Variants in SYVN1 observed in about 807,000 individuals in gnomAD.
SYVN1 encodes E3 ubiquitin-protein ligase synoviolin.
SYVN1 carries 17 observed loss-of-function variants against 62.6 expected under a neutral mutation model. That is an observed-to-expected ratio of 0.27 (90% CI 0.19 to 0.41). SYVN1 has a LOEUF of 0.41. SYVN1 is among the 10% of genes least tolerant of loss of function. SYVN1 has a pLI of 1.00. For missense variants in SYVN1, 634 were observed against 818.0 expected (o/e 0.78, Z 2.74); for synonymous variants, 316 against 304.0 (o/e 1.04, Z -0.41).
Position 65,131,370 on chromosome 11 carries a change from A to C in SYVN1, c.662T>G (p.Phe221Cys). 1.2e-6 allele frequency: 2 copies of C among 1,614,016 alleles called. No individual in the cohort carries two copies. Among genetic ancestry groups the C allele is most frequent in the Non-Finnish European group, 1.7e-6 (2 of 1,179,962 alleles). ...YMLYTELFTG[F>C]IKVLLYMAFM... ...GGCCATGTACAGCAGAACCTTGATG[A>C]AGCCTGAGGGGAGGGGATGCAGAAA... Residue 221 changes from phenylalanine (F) to cysteine (C), a missense_variant, in exon 8 of 16, where the codon TTC becomes TGC. Transcript: ENST00000377190.
At position 65,128,706 on chromosome 11, in the gene SYVN1, C is replaced by T. The variant is rs770266350; in HGVS notation, c.1604G>A (p.Arg535Gln). 7.3e-5 allele frequency: 117 copies of T among 1,607,784 alleles called. 2 individuals are homozygous for T. The South Asian group carries it at 9.0e-4, about 12-fold the overall frequency. Residue 535 changes from arginine (R) to glutamine (Q), a missense_variant, in exon 15 of 16, where the codon CGG becomes CAG. Physicochemically the swap from Arg to Gln is conservative, Grantham distance 43. This residue lies in a region of SYVN1 where 351 missense variants were observed against 373.3 expected (regional missense o/e 0.94). Coordinates refer to ENST00000377190, the MANE Select transcript of SYVN1 (RefSeq NM_172230.3). The stretch of plus-strand genomic sequence containing the variant: ...AGTGGAGTTGACTGAAGTGGCAGGC[C>T]GGGGGGGCCTGGGAAGAGAAGGGAC... ...LTVLASLGPP[R>Q]PATSVNSTEE...
chr11:65,128,940 C>T (rs1452860520), intron 14 of SYVN1: 1 of 567,868 alleles, frequency 1.8e-6, no homozygotes, highest in Non-Finnish European at 3.1e-6. Context: ...CAGGCAGGGA[C>T]TGTTGACCTG....
In SYVN1 at chr11:65,129,755, C is replaced by G; in HGVS notation, c.1569G>C (p.Gln523His). The G allele has an allele frequency of 6.2e-7, 1 of 1,614,232 alleles. No individual in the cohort carries two copies. The highest frequency in any genetic ancestry group is 8.5e-7 in the Non-Finnish European group (1 of 1,180,038). The stretch of plus-strand genomic sequence containing the variant: ...CCAAGGAGGCCAGCACGGTGAGGTA[C>G]TGGTTGATCTGCAGCATGGCGGCGT... ...LLDAAMLQIN[Q>H]YLTVLASLGP... Residue 523 changes from glutamine (Q) to histidine (H), a missense_variant, in exon 14 of 16, where the codon CAG becomes CAC. Physicochemically the swap from Gln to His is conservative, Grantham distance 24. Coordinates refer to ENST00000377190, the MANE Select transcript of SYVN1 (RefSeq NM_172230.3).
intron 14 of SYVN1, chr11:65,128,987 A>G: frequency 2.2e-6 from 1 of 451,500 alleles, no homozygotes; most frequent in Non-Finnish European, 4.0e-6. Flanking sequence ...CTGGGGAGTC[A>G]GGCACCTTAT....
At chr11:65,128,939 A>T in intron 14 of SYVN1, 1 of 571,266 alleles carries the variant, frequency 1.8e-6, no homozygotes, top group East Asian at 3.0e-5. Flanking sequence ...GCAGGCAGGG[A>T]CTGTTGACCT....
At chr11:65,132,829 C>G in intron 4 of SYVN1, 49 bp from the exon 5 acceptor site, 2 of 1,613,694 alleles carry the variant, frequency 1.2e-6, no homozygotes, top group Non-Finnish European at 8.5e-7. Flanking sequence ...GGGCTCACCC[C>G]ACACCCTCAA....
In SYVN1 at chr11:65,128,615, C is replaced by T. The variant is rs773552759; in HGVS notation, c.1695G>A (p.Thr565=). 135 of 1,613,972 alleles carry T rather than the reference C, an allele frequency of 8.4e-5. No individual in the cohort carries two copies. The East Asian group carries it at 1.6e-3, about 19-fold the overall frequency. ...GTGGGGAGGCTCCTGGGGTTGGGGT[C>T]GTGGCCTCTGAGCTAGGGATGCTGG... The part of the protein sequence containing the change: ...SSTSIPSSEA[T]TPTPGASPPA... Residue 565 remains threonine (T), a synonymous_variant, in exon 15 of 16, where the codon ACG becomes ACA. Coordinates refer to ENST00000377190, the MANE Select transcript of SYVN1 (RefSeq NM_172230.3).
At chr11:65,129,113 A>G (rs1590825705) in intron 14 of SYVN1, 1 of 184,968 alleles carries the variant, frequency 5.4e-6, no homozygotes, top group Non-Finnish European at 1.1e-5. Context: ...TTTAAAAGAC[A>G]GCGTCTCGGC....
At chr11:65,131,993 CT>C (rs1948186326) in intron 6 of SYVN1, among the ~76,000 whole-genome samples, 1 of 152,146 alleles carries the variant, frequency 6.6e-6, no homozygotes, top group Non-Finnish European at 1.5e-5. Context: ...TACCAGCTAG[CT>C]CCGGCACGAG....
rs1175805085 is a variant in SYVN1, at chr11:65,130,904, C to T, written c.941+16G>A. On this transcript the variant is annotated intron_variant, in intron 10 of 15. Coordinates refer to ENST00000377190, the MANE Select transcript of SYVN1 (RefSeq NM_172230.3). ...GCCTGTGCCCTGCTGTGCAGGCTCC[C>T]CAGGGCCCCTCCCACCTGGTATGGA... 4.3e-6 allele frequency: 7 copies of T among 1,613,520 alleles called. No homozygotes were observed. The highest frequency in any genetic ancestry group is 3.3e-4 in the Middle Eastern group (2 of 6,062).
Position 65,130,732 on chromosome 11 carries a change from G to C in SYVN1, c.1033C>G (p.Pro345Ala). The C allele has an allele frequency of 1.3e-6, 2 of 1,529,202 alleles. No individual in the cohort carries two copies. The highest frequency in any genetic ancestry group is 1.8e-6 in the Non-Finnish European group (2 of 1,142,514). 94.7% of individuals were successfully genotyped at this position (1,529,202 alleles called of 1,614,324 possible). A position where few individuals can be genotyped will look rare whatever the true frequency, so the allele number is the denominator to read the frequency against. ...RASLPAQSPP[P>A]PEPADQGPPP... ...GGCCCCTGATCCGCAGGCTCCGGGG[G>C]TGGTGGTGACTGCGCTGGCAGCGAT... Residue 345 changes from proline to alanine, a missense_variant, in exon 11 of 16, where the codon CCC becomes GCC. Pro to Ala is a conservative substitution (Grantham distance 27). Around this residue, in one of 2 missense-constraint regions of SYVN1, gnomAD observed 351 missense variants for 373.3 expected, o/e 0.94. Coordinates refer to ENST00000377190, the MANE Select transcript of SYVN1 (RefSeq NM_172230.3).
chr11:65,130,685 TG>T lies in SYVN1; in HGVS notation c.1079del (p.Pro360HisfsTer125). ...DQGPPPAPHP[P>X]PLLPQPPNFP... ...AGTTGGGGGGCTGAGGCAAGAGTGG[TG>T]GGGGGTGGGGGGCAGGGGGTGGCCC... On this transcript the variant is annotated frameshift_variant, in exon 11 of 16. Coordinates refer to ENST00000377190, the MANE Select transcript of SYVN1 (RefSeq NM_172230.3). LOFTEE classifies it high-confidence loss of function. The T allele has an allele frequency of 5.1e-6, 2 of 389,554 alleles. No homozygotes were observed. The highest frequency in any genetic ancestry group is 7.2e-6 in the Non-Finnish European group (2 of 277,304). The allele number at this position is 389,554 out of a possible 1,614,324, so 24.1% of individuals were successfully genotyped here. A position where few individuals can be genotyped will look rare whatever the true frequency, so the allele number is the denominator to read the frequency against.
rs1754454124 is a variant in SYVN1 at position 65,129,826 on chromosome 11, G to C, written c.1498C>G (p.Leu500Val). ...RALEGHERQH[L>V]EARLQSLRNI... ...CGCAGGCTCTGCAGCCGGGCCTCCAGGTGCTGCCGCTCATGGCCCTCCAGA... is the reference window on the plus strand; with the variant it reads ...CGCAGGCTCTGCAGCCGGGCCTCCACGTGCTGCCGCTCATGGCCCTCCAGA... The change falls in exon 14 of 16, where the codon CTG (leucine) becomes GTG (valine). Residue 500 changes from leucine to valine, a missense_variant. Around this residue, in one of 2 missense-constraint regions of SYVN1, gnomAD observed 351 missense variants for 373.3 expected, o/e 0.94. Transcript: ENST00000377190. The C allele has an allele frequency of 3.7e-6, 6 of 1,614,092 alleles. No homozygotes were observed. The South Asian group carries it at 6.6e-5, about 18-fold the overall frequency.
intron 2 of SYVN1, 93 bp downstream of exon 2, chr11:65,133,377 C>T (rs1590828968): frequency 6.3e-7 from 1 of 1,582,120 alleles, no homozygotes; most frequent in Non-Finnish European, 8.6e-7. Context: ...GCGGCTACTT[C>T]CCTACTTACC....
chr11:65,131,061 T>C, intron 9 of SYVN1, 25 bp from the exon 10 acceptor site: 1 of 1,613,760 alleles, frequency 6.2e-7, no homozygotes, highest in Admixed American at 1.7e-5. Context: ...AGGGGCTGTA[T>C]CAGGTCCAGA....
intron 5 of SYVN1, 85 bp downstream of exon 5, chr11:65,132,647 G>T: frequency 7.1e-7 from 1 of 1,416,214 alleles, no homozygotes; most frequent in Non-Finnish European, 1.0e-6. Context: ...TTCCTGTACA[G>T]CTGTGGGGGG....
chr11:65,131,645 G>A, intron 6 of SYVN1, 49 bp from the exon 7 acceptor site: 2 of 1,599,456 alleles, frequency 1.3e-6, no homozygotes, highest in Non-Finnish European at 1.7e-6. Context: ...GCTCCCCCTT[G>A]CTGCACCCAC....
chr11:65,128,390 C>T lies in SYVN1; in HGVS notation c.1846G>A (p.Ala616Thr), dbSNP rs371028525. The T allele has an allele frequency of 1.0e-4, 167 of 1,612,518 alleles. No homozygotes were observed. Among genetic ancestry groups the T allele is most frequent in the African/African-American group, 3.1e-4 (23 of 75,004 alleles). Residue 616 changes from alanine to threonine, a missense_variant, in exon 16 of 16, where the codon GCC (alanine) becomes ACC (threonine). Physicochemically the swap from Ala to Thr is moderately conservative, Grantham distance 58 (BLOSUM62 0). This residue lies in a region of SYVN1 where 351 missense variants were observed against 373.3 expected (regional missense o/e 0.94). Transcript: ENST00000377190. ...RRLQKLESPV[A>T]H ...GCTGGGCTGGGGCAGTGTCAGTGGG[C>T]AACAGGAGACTCCAGCTTCTGCAGG...
At chr11:65,133,344 GT>G in intron 2 of SYVN1, 92 bp from the exon 3 acceptor site, 1 of 1,577,932 alleles carries the variant, frequency 6.3e-7, no homozygotes, top group South Asian at 1.1e-5. Flanking sequence ...CCTCATCACA[GT>G]TTATTCAAAG....
Sources: gnomAD v4.1 joint callset for allele counts (sites outside exome capture counted in the v4.1 genomes callset) on GRCh38, gnomAD v4.1.1 for gene constraint, gnomAD v4.1.1 regional missense constraint, MANE v1.5 for transcripts, NCBI Gene and HGNC (gene_info 2026-07-23, HGNC 2026-07-21) for gene names.